Variants in ELP2 observed in about 807,000 individuals in gnomAD.
The protein encoded by ELP2 is elongator complex protein 2.
Under a neutral mutation model 119.2 loss-of-function variants are expected in ELP2, and 90 were observed. The ratio of observed to expected loss-of-function variants is 0.75; its 90% CI spans 0.64 to 0.90. The LOEUF is 0.90. Among genes scored for constraint, ELP2 ranks in the 40% least tolerant of loss-of-function variants. The pLI is 0.00. For synonymous variants in ELP2, 339 were observed against 331.0 expected, an observed-to-expected ratio of 1.02 and a Z score of -0.26; for missense variants, 921 against 967.8, an observed-to-expected ratio of 0.95 and a Z score of 0.64.
intron 18 of ELP2, chr18:36,164,886 G>A: frequency 1.8e-6 from 1 of 567,948 alleles, no homozygotes; most frequent in Admixed American, 3.0e-5. Context: ...TTGTGATTAT[G>A]TAGTCAAGAT....
chr18:36,142,422 G>C, intron 7 of ELP2, 75 bp downstream of exon 7: 1 of 1,263,086 alleles, frequency 7.9e-7, no homozygotes, highest in Non-Finnish European at 1.2e-6. Context: ...AGCCTTTTTT[G>C]TTTTAATTTT....
At chr18:36,141,715 CAG>C (rs943101652) in intron 6 of ELP2, among the ~76,000 whole-genome samples, 2 of 138,002 alleles carry the variant, frequency 1.4e-5, no homozygotes, top group East Asian at 2.1e-4. Flanking sequence ...TTTTTTGAGA[CAG>C]AGTCTTGTTC....
chr18:36,174,786 T>A lies in ELP2; in HGVS notation c.*145T>A. 1.3e-6 allele frequency: 1 copy of A among 743,564 alleles called. No homozygotes were observed. The highest frequency in any genetic ancestry group is 2.2e-6 in the Non-Finnish European group (1 of 454,368). The allele number at this position is 743,564 out of a possible 1,614,324, so 46.1% of individuals were successfully genotyped here. On this transcript the variant is annotated 3_prime_UTR_variant, in exon 22 of 22. Transcript: ENST00000358232. The stretch of plus-strand genomic sequence containing the variant: ...GTCTTGCTTTGTCACAACCTCCACC[T>A]CCCAGGTTCAAGCGATTCTCTTTCT...
intron 1 of ELP2, among the ~76,000 whole-genome samples, chr18:36,131,042 C>A (rs1035864722): frequency 1.3e-5 from 2 of 151,802 alleles, no homozygotes; most frequent in Non-Finnish European, 1.5e-5. Context: ...GTTGTGGTGG[C>A]GTGCGCCTGT....
intron 10 of ELP2, 23 bp downstream of exon 10, chr18:36,146,071 G>A (rs1369447938): frequency 1.2e-6 from 2 of 1,608,008 alleles, no homozygotes; most frequent in Admixed American, 1.7e-5. Context: ...GATATTTAAG[G>A]AACAGAAAAT....
intron 5 of ELP2, among the ~76,000 whole-genome samples, chr18:36,140,002 G>A (rs1246825952): frequency 6.6e-6 from 1 of 151,518 alleles, no homozygotes; most frequent in Non-Finnish European, 1.5e-5. Context: ...GCTCCACCAC[G>A]CCCAGCTAAT....
chr18:36,130,016 C>A lies in ELP2; in HGVS notation c.83C>A (p.Pro28His), dbSNP rs1295084115. Residue 28 changes from proline to histidine, a missense_variant, in exon 1 of 22, where the codon CCC becomes CAC. Coordinates refer to ENST00000358232, the MANE Select transcript of ELP2 (RefSeq NM_018255.4). ...GGAGTCCTGAACTGGAGCTCTGGGC[C>A]CAGAGGACTTCTGGCCTTTGGCACG... ...VRGVLNWSSG[P>H]RGLLAFGTSC... The A allele has an allele frequency of 1.9e-6, 3 of 1,614,108 alleles. No homozygotes were observed. Among genetic ancestry groups the A allele is most frequent in the Non-Finnish European group, 2.5e-6 (3 of 1,180,012 alleles).
intron 21 of ELP2, among the ~76,000 whole-genome samples, chr18:36,172,461 C>G (rs1192579625): frequency 6.6e-6 from 1 of 152,106 alleles, no homozygotes; most frequent in African/African-American, 2.4e-5. Flanking sequence ...TCCAGCAGAT[C>G]TTGTCTCCAT....
intron 11 of ELP2, among the ~76,000 whole-genome samples, chr18:36,150,284 A>G (rs2090355353): frequency 6.6e-6 from 1 of 152,222 alleles, no homozygotes; most frequent in South Asian, 2.1e-4. Context: ...GACACTGCAG[A>G]ATCCAGCAGT....
intron 16 of ELP2, among the ~76,000 whole-genome samples, 179 bp from the exon 17 acceptor site, chr18:36,160,753 A>G (rs192611858): frequency 8.7e-4 from 132 of 152,190 alleles, no homozygotes; most frequent in African/African-American, 3.1e-3. Context: ...GGAAGCTGAC[A>G]TTTTTCTCCC....
At chr18:36,171,818 T>C (rs2091089790) in intron 21 of ELP2, among the ~76,000 whole-genome samples, 1 of 152,180 alleles carries the variant, frequency 6.6e-6, no homozygotes, top group African/African-American at 2.4e-5. Context: ...CCAGGCTCAA[T>C]CAGTCTTCCT....
rs746428166 is a variant in ELP2, at chr18:36,138,790, C to G, written c.446-5C>G. ...TTGTTCATTGTGTTTTTTATTATTT[C>G]TTAGTAATGTGCCTTCAGACTTTAA... On this transcript the variant is annotated splice_polypyrimidine_tract_variant and splice_region_variant and intron_variant, in intron 4 of 21. Transcript: ENST00000358232. The G allele has an allele frequency of 1.2e-6, 2 of 1,612,332 alleles. No individual in the cohort carries two copies.
chr18:36,130,706 C>A (rs1359655788), intron 1 of ELP2, among the ~76,000 whole-genome samples: 5 of 152,112 alleles, frequency 3.3e-5, no homozygotes, highest in Non-Finnish European at 7.3e-5. Context: ...TTTGCATGCT[C>A]CCCGGAATTC....
At chr18:36,166,290 A>T (rs2090894472) in intron 18 of ELP2, among the ~76,000 whole-genome samples, 2 of 150,656 alleles carry the variant, frequency 1.3e-5, no homozygotes, top group African/African-American at 2.5e-5. Context: ...CCCTCCTCAT[A>T]AACAGTTATG....
At chr18:36,170,506 G>C (rs3786275) in intron 20 of ELP2, among the ~76,000 whole-genome samples, 32 of 151,940 alleles carry the variant, frequency 2.1e-4, no homozygotes, top group Middle Eastern at 3.4e-3. Flanking sequence ...TAGAGATGGG[G>C]TTTCACCATG....
At chr18:36,170,309 T>G (rs1374137265) in intron 20 of ELP2, 113 bp downstream of exon 20, 2 of 1,395,562 alleles carry the variant, frequency 1.4e-6, no homozygotes, top group Non-Finnish European at 2.0e-6. Flanking sequence ...TGTCTTTTTT[T>G]TCTTTTTTTT....
intron 9 of ELP2, 79 bp downstream of exon 9, chr18:36,145,113 AT>A (rs1567988412): frequency 3.7e-6 from 4 of 1,082,760 alleles, no homozygotes; most frequent in Non-Finnish European, 5.7e-6. Flanking sequence ...CAAGTGGAGA[AT>A]TTTTTTACTG....
chr18:36,138,954 G>A (rs941419755), intron 5 of ELP2, 82 bp downstream of exon 5: 22 of 1,045,844 alleles, frequency 2.1e-5, no homozygotes, highest in Admixed American at 8.5e-5. Context: ...GAAATGTATT[G>A]GGTCTTAATT....
At chr18:36,136,690 A>G (rs1307201665) in intron 3 of ELP2, 1 of 305,340 alleles carries the variant, frequency 3.3e-6, no homozygotes, top group East Asian at 7.4e-5. Context: ...AATCTTGCTC[A>G]TCAGCAACAC....
Sources: allele counts gnomAD v4.1 joint callset (sites outside exome capture counted in the v4.1 genomes callset), GRCh38; gene constraint gnomAD v4.1.1; transcripts MANE v1.5; gene names NCBI Gene and HGNC (gene_info 2026-07-23, HGNC 2026-07-21).